Variants in IL1RAPL2 observed in about 807,000 individuals in gnomAD.
IL1RAPL2 encodes the protein X-linked interleukin-1 receptor accessory protein-like 2.
Under a neutral mutation model 44.1 loss-of-function variants are expected in IL1RAPL2, and 3 were observed. That is an observed-to-expected ratio of 0.07 (90% CI 0.03 to 0.18). IL1RAPL2 has a LOEUF of 0.18. IL1RAPL2 is among the 10% of genes least tolerant of loss of function. IL1RAPL2 has a pLI of 1.00. For synonymous variants in IL1RAPL2, 181 were observed against 178.8 expected, an observed-to-expected ratio of 1.01 and a Z score of -0.10; for missense variants, 391 against 496.4, an observed-to-expected ratio of 0.79 and a Z score of 2.02.
intron 1 of IL1RAPL2, among the ~76,000 whole-genome samples, chrX:104,652,736 T>G (rs1334924585): frequency 8.9e-6 from 1 of 112,171 alleles, no homozygotes; most frequent in Non-Finnish European, 1.9e-5. Context: ...ATGATAAACA[T>G]TTCAATCTGA....
chrX:104,673,055 C>G (rs1165205228), intron 2 of IL1RAPL2, among the ~76,000 whole-genome samples: 1 of 111,666 alleles, frequency 9.0e-6, no homozygotes, highest in Non-Finnish European at 1.9e-5. Context: ...GTTGCCTGTT[C>G]ACTCTGATGG....
chrX:104,893,146 T>G (rs867911209), intron 2 of IL1RAPL2, among the ~76,000 whole-genome samples: 2 of 112,199 alleles, frequency 1.8e-5, no homozygotes, highest in African/African-American at 3.2e-5. Context: ...TGCACTGTGG[T>G]CTGAGAGACA....
intron 6 of IL1RAPL2, among the ~76,000 whole-genome samples, chrX:105,515,277 G>T (rs1320842906): frequency 9.0e-6 from 1 of 111,716 alleles, no homozygotes; most frequent in Non-Finnish European, 1.9e-5. Context: ...ATCCTTTTGA[G>T]AATCTAATGG....
chrX:105,547,371 G>T (rs1311869449), intron 6 of IL1RAPL2, among the ~76,000 whole-genome samples: 2 of 112,290 alleles, frequency 1.8e-5, no homozygotes, highest in African/African-American at 3.2e-5. Context: ...GATTAAAAGA[G>T]CCATTTAAGA....
intron 6 of IL1RAPL2, among the ~76,000 whole-genome samples, chrX:105,703,724 A>T (rs981795722): frequency 8.9e-6 from 1 of 111,987 alleles, no homozygotes; most frequent in African/African-American, 3.2e-5. Flanking sequence ...AACTAACTTT[A>T]TCTGCATTCA....
intron 2 of IL1RAPL2, among the ~76,000 whole-genome samples, chrX:105,109,869 C>T (rs2032783954): frequency 8.9e-6 from 1 of 112,154 alleles, no homozygotes; most frequent in South Asian, 3.7e-4. Flanking sequence ...AGCAAAGAAA[C>T]AAGAAATAGT....
chrX:104,744,746 A>T (rs1467687406), intron 2 of IL1RAPL2, among the ~76,000 whole-genome samples: 1 of 110,935 alleles, frequency 9.0e-6, no homozygotes, highest in Non-Finnish European at 1.9e-5. Flanking sequence ...TTAAAACTTT[A>T]CTTTTGATTT....
chrX:105,387,871 G>C (rs893937662), intron 5 of IL1RAPL2, among the ~76,000 whole-genome samples: 1 of 108,734 alleles, frequency 9.2e-6, no homozygotes, highest in Non-Finnish European at 1.9e-5. Flanking sequence ...TAATTGGGCC[G>C]GGCGCAGTGG....
intron 3 of IL1RAPL2, among the ~76,000 whole-genome samples, chrX:105,211,540 G>A (rs1314252219): frequency 9.0e-6 from 1 of 110,968 alleles, no homozygotes; most frequent in Non-Finnish European, 1.9e-5. Flanking sequence ...CATTCCTAGA[G>A]ACTCCTGGAA....
chrX:105,074,588 G>T (rs1354040130), intron 2 of IL1RAPL2, among the ~76,000 whole-genome samples: 14 of 107,189 alleles, frequency 1.3e-4, no homozygotes, highest in African/African-American at 3.1e-4. Context: ...AAAGTCATTG[G>T]TAGCTTGATG....
chrX:105,515,816 TG>T (rs1353822220), intron 6 of IL1RAPL2, among the ~76,000 whole-genome samples: 5 of 111,961 alleles, frequency 4.5e-5, no homozygotes, highest in Non-Finnish European at 9.4e-5. Flanking sequence ...CTGAATCCCT[TG>T]ACATCTGCTT....
chrX:105,243,582 TATGTGTATATATATATATATA>T (rs1569412025), intron 4 of IL1RAPL2, among the ~76,000 whole-genome samples: 16 of 90,457 alleles, frequency 1.8e-4, no homozygotes, highest in African/African-American at 9.7e-4. Context: ...TATATATATA[TATGTGTATATATATATATATA>T]TATTTTTTTT....
Position 104,894,449 on chromosome X carries a change from G to A in IL1RAPL2, c.82+235454G>A, listed in dbSNP as rs147220886. Among the ~76,000 whole-genome samples the A allele has an allele frequency of 9.2e-3, 1,023 of 111,557 alleles. 7 individuals carry two copies. The highest frequency in any genetic ancestry group is 0.031 in the African/African-American group (961 of 30,727). On this transcript the variant is annotated intron_variant, in intron 2 of 10. Coordinates refer to ENST00000372582, the MANE Select transcript of IL1RAPL2 (RefSeq NM_017416.2). ...TCAGATGTAGATTTGGTCTTTTCAC[G>A]TAGTCCCATATTTCTTGGAGGCTTT...
chrX:105,084,849 C>T (rs5962461), intron 2 of IL1RAPL2, among the ~76,000 whole-genome samples: 36 of 111,698 alleles, frequency 3.2e-4, no homozygotes, highest in Non-Finnish European at 2.3e-4. Context: ...CCCCATAATC[C>T]CCACATGTCG....
At chrX:105,430,485 C>G (rs2035840230) in intron 5 of IL1RAPL2, among the ~76,000 whole-genome samples, 2 of 111,539 alleles carry the variant, frequency 1.8e-5, no homozygotes, top group Admixed American at 1.9e-4. Flanking sequence ...ATTATTTCTA[C>G]TATATCTTAA....
intron 2 of IL1RAPL2, among the ~76,000 whole-genome samples, chrX:105,045,221 A>G (rs184748883): frequency 2.7e-5 from 3 of 111,877 alleles, no homozygotes; most frequent in Admixed American, 9.5e-5. Flanking sequence ...TAGCTCAGCT[A>G]TAAATAATGT....
rs1330471602 is a variant in IL1RAPL2, at chrX:104,626,782, T to G, written c.-19-32113T>G. ...TAAGCTCAATTGGACCAGATCATTC[T>G]TTTACTGAATCTTTGTTCCAATTGT... On this transcript the variant is annotated intron_variant, in intron 1 of 10. Coordinates refer to ENST00000372582, the MANE Select transcript of IL1RAPL2 (RefSeq NM_017416.2). Among the ~76,000 whole-genome samples the G allele has an allele frequency of 9.1e-5, 10 of 110,491 alleles. No individual in the cohort carries two copies. The Admixed American group carries it at 9.7e-4, about 11-fold the overall frequency.
chrX:105,185,660 C>A (rs1230845674), intron 2 of IL1RAPL2, among the ~76,000 whole-genome samples: 2 of 111,930 alleles, frequency 1.8e-5, no homozygotes, highest in African/African-American at 6.5e-5. Context: ...ATTTTCAGTA[C>A]CTTGGCATTT....
In IL1RAPL2 at chrX:104,606,557, T is replaced by C. The variant is rs182593564; in HGVS notation, c.-20+39506T>C. ...TCTGTTTACAGATGACATGATTGTA[T>C]ATTTAGAAAACCCCATCGTCTCAGC... On this transcript the variant is annotated intron_variant, in intron 1 of 10. Coordinates refer to ENST00000372582, the MANE Select transcript of IL1RAPL2 (RefSeq NM_017416.2). Among the ~76,000 whole-genome samples, 4 of 111,997 alleles carry C rather than the reference T, an allele frequency of 3.6e-5. No individual in the cohort carries two copies. In the East Asian group the frequency reaches 1.1e-3, roughly 32 times the overall value.
Sources: allele counts gnomAD v4.1 joint callset (sites outside exome capture counted in the v4.1 genomes callset), GRCh38; gene constraint gnomAD v4.1.1; transcripts MANE v1.5; gene names NCBI Gene and HGNC (gene_info 2026-07-23, HGNC 2026-07-21).